The following ULK4 variants were observed in gnomAD, a reference collection of about 807,000 sequenced individuals.
ULK4 encodes the protein unc-51 like kinase 4.
ULK4 carries 133 observed loss-of-function variants against 160.6 expected under a neutral mutation model. That is an observed-to-expected ratio of 0.83 (90% CI 0.72 to 0.96). The LOEUF (loss-of-function observed/expected upper bound fraction) is 0.96, where lower values mean the gene tolerates loss of function less well. Among genes scored for constraint, ULK4 ranks in the 40% least tolerant of loss-of-function variants. The pLI is 0.00. For missense variants in ULK4, 1,580 were observed against 1,499.5 expected (o/e 1.05, Z -0.89); for synonymous variants, 534 against 539.8 (o/e 0.99, Z 0.15).
At chr3:41,465,031 A>G (rs1388584055) in intron 32 of ULK4, among the ~76,000 whole-genome samples, 2 of 152,208 alleles carry the variant, frequency 1.3e-5, no homozygotes, top group African/African-American at 4.8e-5. Context: ...CACTGAAGTC[A>G]CCAGCTCCCA....
chr3:41,351,914 T>C (rs2080917023), intron 35 of ULK4, among the ~76,000 whole-genome samples: 1 of 152,208 alleles, frequency 6.6e-6, no homozygotes, highest in African/African-American at 2.4e-5. Flanking sequence ...TGCTTCCACA[T>C]GGGTGAAAAC....
chr3:41,803,370 C>A (rs188293513), intron 19 of ULK4, among the ~76,000 whole-genome samples: 1 of 152,036 alleles, frequency 6.6e-6, no homozygotes, highest in African/African-American at 2.4e-5. Flanking sequence ...CTTAGCAACT[C>A]CATACTCATA....
chr3:41,470,319 G>A (rs1041477701), intron 32 of ULK4, among the ~76,000 whole-genome samples: 1 of 152,154 alleles, frequency 6.6e-6, no homozygotes, highest in East Asian at 1.9e-4. Flanking sequence ...AGAGTGGGAT[G>A]ATTTATTCAA....
chr3:41,718,100 G>A (rs17060942), intron 22 of ULK4, among the ~76,000 whole-genome samples: 10,846 of 152,158 alleles, frequency 0.071, 1,288 homozygotes, highest in African/African-American at 0.24. Context: ...TTGCCTTGGC[G>A]AATGGAAACG....
chr3:41,305,688 G>T, intron 35 of ULK4, among the ~76,000 whole-genome samples: 1 of 150,952 alleles, frequency 6.6e-6, no homozygotes, highest in Non-Finnish European at 1.5e-5. Flanking sequence ...CCCATCGTCT[G>T]GGATGTGAGG....
At chr3:41,783,335 G>A (rs1253527520) in intron 21 of ULK4, among the ~76,000 whole-genome samples, 2 of 151,950 alleles carry the variant, frequency 1.3e-5, no homozygotes, top group East Asian at 1.9e-4. Context: ...CCAGGAGTTC[G>A]AGACCAGTCT....
intron 29 of ULK4, among the ~76,000 whole-genome samples, chr3:41,677,585 C>T (rs1038918255): frequency 1.1e-4 from 16 of 152,086 alleles, no homozygotes; most frequent in African/African-American, 3.9e-4. Context: ...CATGCCTCGG[C>T]CTCCCAAAGT....
intron 22 of ULK4, among the ~76,000 whole-genome samples, chr3:41,744,678 A>G (rs973697871): frequency 6.6e-6 from 1 of 151,922 alleles, no homozygotes; most frequent in Non-Finnish European, 1.5e-5. Context: ...AACAGTAAGA[A>G]TAGAGAATAT....
rs1311104068 is a variant in ULK4 at position 41,681,399 on chromosome 3, T to C, written c.2978+109A>G. 4 of 1,462,800 alleles carry C rather than the reference T, an allele frequency of 2.7e-6. No individual in the cohort carries two copies. In the African/African-American group the frequency reaches 4.2e-5, roughly 16 times the overall value. 90.6% of individuals were successfully genotyped at this position (1,462,800 alleles called of 1,614,324 possible). ...TATAATGAGTACACAAGCATATGTG[T>C]ATAAACATAAGGACATCAAGACCCC... On this transcript the variant is annotated intron_variant, in intron 29 of 36. Coordinates refer to ENST00000301831, the MANE Select transcript of ULK4 (RefSeq NM_017886.4).
intron 20 of ULK4, among the ~76,000 whole-genome samples, chr3:41,796,844 G>A (rs1178785883): frequency 6.6e-6 from 1 of 152,148 alleles, no homozygotes; most frequent in Non-Finnish European, 1.5e-5. Flanking sequence ...TTGGAGAAAT[G>A]ATTGATTCCA....
At chr3:41,424,660 G>A (rs967216863) in intron 34 of ULK4, among the ~76,000 whole-genome samples, 42 of 152,052 alleles carry the variant, frequency 2.8e-4, no homozygotes, top group African/African-American at 9.7e-4. Context: ...TGGACACCCA[G>A]CAAACTGAAG....
At chr3:41,442,618 G>C (rs1171863307) in intron 34 of ULK4, among the ~76,000 whole-genome samples, 5 of 151,924 alleles carry the variant, frequency 3.3e-5, no homozygotes, top group Admixed American at 1.3e-4. Context: ...TATTATTAGA[G>C]ACAGAGTCTC....
chr3:41,602,123 G>A (rs953936563), intron 31 of ULK4, among the ~76,000 whole-genome samples: 1 of 151,992 alleles, frequency 6.6e-6, no homozygotes, highest in Non-Finnish European at 1.5e-5. Context: ...TTGAGCTCAG[G>A]AATTTGGGAT....
chr3:41,799,567 A>C (rs1351337185), intron 20 of ULK4, among the ~76,000 whole-genome samples: 2 of 152,184 alleles, frequency 1.3e-5, no homozygotes, highest in Non-Finnish European at 2.9e-5. Flanking sequence ...TATCGCCTCT[A>C]AATTGTTTTT....
chr3:41,945,473 G>T (rs1258260609), intron 2 of ULK4, among the ~76,000 whole-genome samples: 1 of 152,130 alleles, frequency 6.6e-6, no homozygotes, highest in Non-Finnish European at 1.5e-5. Context: ...ACACTCTCCA[G>T]CTCCCCTCTC....
At chr3:41,603,426 T>G (rs970504133) in intron 31 of ULK4, among the ~76,000 whole-genome samples, 1 of 152,044 alleles carries the variant, frequency 6.6e-6, no homozygotes, top group African/African-American at 2.4e-5. Flanking sequence ...CTCTCCTCAG[T>G]TGACAGGATA....
chr3:41,298,700 C>G (rs929991536), intron 35 of ULK4, among the ~76,000 whole-genome samples: 15 of 152,120 alleles, frequency 9.9e-5, no homozygotes, highest in African/African-American at 3.6e-4. Flanking sequence ...AGGGGATCCT[C>G]AAGTCATAGA....
chr3:41,957,723 A>T (rs1317859006), intron 1 of ULK4, among the ~76,000 whole-genome samples: 7 of 151,852 alleles, frequency 4.6e-5, no homozygotes, highest in Admixed American at 2.6e-4. Context: ...AGAAAAAAAA[A>T]AAAAATTAAA....
intron 31 of ULK4, among the ~76,000 whole-genome samples, chr3:41,579,019 C>T (rs1040952468): frequency 1.3e-5 from 2 of 152,174 alleles, no homozygotes; most frequent in African/African-American, 2.4e-5. Context: ...CTTGGCTATA[C>T]GCTGAGTGTG....
Sources: gnomAD v4.1 joint callset for allele counts (sites outside exome capture counted in the v4.1 genomes callset) on GRCh38, gnomAD v4.1.1 for gene constraint, MANE v1.5 for transcripts, NCBI Gene and HGNC (gene_info 2026-07-23, HGNC 2026-07-21) for gene names.